Variants in ARHGEF10 observed in about 807,000 individuals in gnomAD.
ARHGEF10 encodes Rho guanine nucleotide exchange factor 10, also known as Rho guanine nucleotide exchange factor (GEF) 10.
A neutral mutation model predicts 147.4 loss-of-function variants in ARHGEF10; 140 were observed. The ratio of observed to expected loss-of-function variants is 0.95; its 90% confidence interval spans 0.83 to 1.09. The LOEUF (loss-of-function observed/expected upper bound fraction) is 1.09. ARHGEF10 is among the 50% of genes least tolerant of loss of function. The pLI, the probability that ARHGEF10 is intolerant of heterozygous loss-of-function variation, is 0.00. For missense variants in ARHGEF10, 2,222 were observed against 1,752.7 expected (o/e 1.27, Z -4.78); for synonymous variants, 902 against 695.8 (o/e 1.30, Z -4.67).
chr8:1,882,631 G>T lies in ARHGEF10; in HGVS notation c.961-4G>T. ...CCGTTCTCACATCTCCCTCTCCGTC[G>T]CAGATGCAGAAGCTCGTGAAGGCCG... On this transcript the variant is annotated splice_polypyrimidine_tract_variant and splice_region_variant and intron_variant, in intron 9 of 28. Transcript: ENST00000349830. 6.4e-7 allele frequency: 1 copy of T among 1,552,014 alleles called. No individual in the cohort carries two copies. The highest frequency in any genetic ancestry group is 8.7e-7 in the Non-Finnish European group (1 of 1,147,168).
Position 1,928,656 on chromosome 8 carries a change from G to T in ARHGEF10, c.2921+6G>T, listed in dbSNP as rs1287191592. The T allele has an allele frequency of 3.7e-6, 6 of 1,613,842 alleles. No individual in the cohort carries two copies. In the East Asian group the frequency reaches 8.9e-5, roughly 24 times the overall value. On this transcript the variant is annotated splice_donor_region_variant and intron_variant, in intron 24 of 28. Coordinates refer to ENST00000349830, the MANE Select transcript of ARHGEF10 (RefSeq NM_014629.4). Reference sequence around the variant, plus strand: ...GTAGGGACGGAGGAGGGAAGGTAGGGCATGCTCACTGCGTTACAGAGAATT... The same window carrying T: ...GTAGGGACGGAGGAGGGAAGGTAGGTCATGCTCACTGCGTTACAGAGAATT...
chr8:1,893,972 G>A lies in ARHGEF10; in HGVS notation c.1260+326G>A, dbSNP rs113087522. 2.0e-3 allele frequency among the ~76,000 whole-genome samples: 304 copies of A among 152,088 alleles called. 1 individual carries two copies. Among genetic ancestry groups the A allele is most frequent in the African/African-American group, 7.0e-3 (292 of 41,500 alleles). ...GTGGATTGCCTGAGCTCAGGAGTTC[G>A]AGACCAGCCTGGGCAACACAGTGAC... On this transcript the variant is annotated intron_variant, in intron 12 of 28. Transcript: ENST00000349830.
At chr8:1,928,392 T>C (rs1475459264) in intron 23 of ARHGEF10, 35 bp from the exon 24 acceptor site, 3 of 1,599,342 alleles carry the variant, frequency 1.9e-6, no homozygotes, top group Non-Finnish European at 1.7e-6. Context: ...CGCCACATGG[T>C]CGTTTTCTTC....
chr8:1,933,942 G>A lies in ARHGEF10; in HGVS notation c.3222G>A (p.Glu1074=). The A allele has an allele frequency of 1.2e-6, 2 of 1,614,180 alleles. No individual in the cohort carries two copies. The highest frequency in any genetic ancestry group is 1.7e-6 in the Non-Finnish European group (2 of 1,180,036). ...TCAGTGTGGAGACTCATGCTGTAGA[G>A]GTAAGTCACTTAGGTGGCTACACGG... ...FIISVETHAV[E]GQLEAHQEEG... The change falls in exon 26 of 29, where the codon GAG becomes GAA. Residue 1074 remains glutamate, a splice_region_variant and synonymous_variant. Coordinates refer to ENST00000349830, the MANE Select transcript of ARHGEF10 (RefSeq NM_014629.4).
At chr8:1,827,002 A>C (rs1158068321) in intron 1 of ARHGEF10, among the ~76,000 whole-genome samples, 1 of 152,210 alleles carries the variant, frequency 6.6e-6, no homozygotes, top group East Asian at 1.9e-4. Context: ...GGCCAGGCCC[A>C]GGGGCTGCCA....
intron 21 of ARHGEF10, among the ~76,000 whole-genome samples, chr8:1,924,136 A>G (rs1328753516): frequency 1.3e-5 from 2 of 152,206 alleles, no homozygotes; most frequent in Admixed American, 6.5e-5. Context: ...CAGTTGAGGC[A>G]GCTGAACACA....
chr8:1,888,314 T>C lies in ARHGEF10; in HGVS notation c.1182+2607T>C, dbSNP rs1335410146. Among the ~76,000 whole-genome samples, 15 of 58,078 alleles carry C rather than the reference T, an allele frequency of 2.6e-4. 3 individuals are homozygous for C. The highest frequency in any genetic ancestry group is 9.3e-4 in the African/African-American group (13 of 13,980). 38.1% of individuals were successfully genotyped at this position (58,078 alleles called of 152,430 possible). The stretch of plus-strand genomic sequence containing the variant: ...GGTGGGGTGAGGGTTTGTGAGGATA[T>C]GCTGAGTGGGATGTTGACTGTGAGG... On this transcript the variant is annotated intron_variant, in intron 11 of 28. Coordinates refer to ENST00000349830, the MANE Select transcript of ARHGEF10 (RefSeq NM_014629.4).
intron 27 of ARHGEF10, among the ~76,000 whole-genome samples, chr8:1,951,472 G>A (rs955167176): frequency 6.6e-6 from 1 of 152,216 alleles, no homozygotes; most frequent in Non-Finnish European, 1.5e-5. Flanking sequence ...TTTAGAAATA[G>A]AACCAAATGT....
chr8:1,866,488 G>T, intron 5 of ARHGEF10, 38 bp from the exon 6 acceptor site: 2 of 1,604,812 alleles, frequency 1.2e-6, no homozygotes, highest in Non-Finnish European at 1.7e-6. Context: ...CTTGGGCTGT[G>T]CCTGGATATT....
At position 1,832,641 on chromosome 8, in the gene ARHGEF10, G is replaced by C. The variant is rs573265167; in HGVS notation, c.-48+8528G>C. ...AGAGGCAGAGAGAGACAGAGGCAGA[G>C]GCAGAGACAGAGAGAGACAGAGGCA... On this transcript the variant is annotated intron_variant, in intron 1 of 28. Coordinates refer to ENST00000349830, the MANE Select transcript of ARHGEF10 (RefSeq NM_014629.4). 2.8e-4 allele frequency among the ~76,000 whole-genome samples: 37 copies of C among 133,668 alleles called. 4 individuals are homozygous for C. Among genetic ancestry groups the C allele is most frequent in the African/African-American group, 1.0e-3 (36 of 35,908 alleles). 87.7% of individuals were successfully genotyped at this position (133,668 alleles called of 152,430 possible).
intron 25 of ARHGEF10, among the ~76,000 whole-genome samples, chr8:1,932,645 T>C (rs937121499): frequency 1.4e-4 from 21 of 152,254 alleles, no homozygotes; most frequent in Admixed American, 2.6e-4. Flanking sequence ...ATAATTACCC[T>C]ACAACACTTT....
chr8:1,933,736 C>T (rs1813338875), intron 25 of ARHGEF10, 64 bp from the exon 26 acceptor site: 1 of 1,575,400 alleles, frequency 6.3e-7, no homozygotes, highest in Non-Finnish European at 8.7e-7. Context: ...GATGTATGAC[C>T]CCATTTTCCC....
intron 11 of ARHGEF10, among the ~76,000 whole-genome samples, chr8:1,890,855 T>C (rs1809472435): frequency 6.6e-6 from 1 of 152,078 alleles, no homozygotes; most frequent in South Asian, 2.1e-4. Context: ...GGTACTGATT[T>C]TGGTGGATTT....
At chr8:1,935,715 T>C (rs979386513) in intron 26 of ARHGEF10, among the ~76,000 whole-genome samples, 2 of 152,200 alleles carry the variant, frequency 1.3e-5, no homozygotes, top group East Asian at 1.9e-4. Context: ...AGGGTATCCA[T>C]TGCAACCTTG....
intron 15 of ARHGEF10, among the ~76,000 whole-genome samples, chr8:1,901,161 G>A (rs745956419): frequency 5.9e-5 from 9 of 152,086 alleles, no homozygotes; most frequent in South Asian, 2.1e-4. Flanking sequence ...CAGGGCACCC[G>A]GGATGGGGCG....
chr8:1,944,023 G>A (rs953917090), intron 26 of ARHGEF10: 6 of 133,348 alleles, frequency 4.5e-5, no homozygotes, highest in African/African-American at 1.8e-4. Context: ...GGGGCCGTGT[G>A]GGCCAGCCTC....
At chr8:1,842,980 T>C (rs773357873) in intron 1 of ARHGEF10, among the ~76,000 whole-genome samples, 2 of 152,166 alleles carry the variant, frequency 1.3e-5, no homozygotes, top group Non-Finnish European at 2.9e-5. Context: ...CCCAGCTAAG[T>C]CTGGAAGAAA....
At chr8:1,949,001 T>C (rs1814811578) in intron 27 of ARHGEF10, among the ~76,000 whole-genome samples, 1 of 144,322 alleles carries the variant, frequency 6.9e-6, no homozygotes, top group African/African-American at 2.6e-5. Context: ...TTCATGACGA[T>C]GCTCAAATGG....
chr8:1,910,997 G>A (rs1182416506), intron 18 of ARHGEF10, among the ~76,000 whole-genome samples: 15 of 152,118 alleles, frequency 9.9e-5, no homozygotes, highest in Non-Finnish European at 2.2e-4. Context: ...CATAAAGCAG[G>A]GTGATTCAAC....
Sources: allele counts gnomAD v4.1 joint callset (sites outside exome capture counted in the v4.1 genomes callset), GRCh38; gene constraint gnomAD v4.1.1; transcripts MANE v1.5; gene names NCBI Gene and HGNC (gene_info 2026-07-23, HGNC 2026-07-21).